Variants in DNAI7 observed in about 807,000 individuals in gnomAD.
The protein encoded by DNAI7 is dynein axonemal intermediate chain 7.
A neutral mutation model predicts 86.6 loss-of-function variants in DNAI7; 78 were observed. The ratio of observed to expected loss-of-function variants is 0.90; its 90% CI spans 0.75 to 1.09. The LOEUF is 1.09. Among genes scored for constraint, DNAI7 ranks in the 50% least tolerant of loss-of-function variants. The pLI is 0.00. For missense variants in DNAI7, 753 were observed against 810.2 expected, an observed-to-expected ratio of 0.93 and a Z score of 0.86; for synonymous variants, 274 against 273.0, an observed-to-expected ratio of 1.00 and a Z score of -0.04.
chr12:25,174,692 A>G (rs1948751339), intron 2 of DNAI7, among the ~76,000 whole-genome samples: 1 of 127,944 alleles, frequency 7.8e-6, no homozygotes, highest in Admixed American at 8.8e-5. Context: ...ATATATATGG[A>G]ATATAGATAT....
chr12:25,158,374 A>T, intron 4 of DNAI7, 98 bp downstream of exon 4: 1 of 904,210 alleles, frequency 1.1e-6, no homozygotes, highest in Non-Finnish European at 1.7e-6. Context: ...AGGCCTAAAT[A>T]TTACTGGTAG....
At chr12:25,161,691 A>G (rs1051136191) in intron 2 of DNAI7, among the ~76,000 whole-genome samples, 19 of 152,232 alleles carry the variant, frequency 1.2e-4, no homozygotes, top group African/African-American at 4.3e-4. Flanking sequence ...TGGTATTTAA[A>G]TCTGTGCTCA....
At chr12:25,179,414 T>C (rs1949288142) in intron 2 of DNAI7, among the ~76,000 whole-genome samples, 1 of 152,210 alleles carries the variant, frequency 6.6e-6, no homozygotes, top group South Asian at 2.1e-4. Flanking sequence ...AAATCCTTAC[T>C]GATTTTTTAA....
chr12:25,170,049 A>G (rs1947963387), intron 2 of DNAI7, among the ~76,000 whole-genome samples: 1 of 152,124 alleles, frequency 6.6e-6, no homozygotes, highest in Non-Finnish European at 1.5e-5. Flanking sequence ...TAAACTTTAA[A>G]GCAACAGTGG....
intron 9 of DNAI7, among the ~76,000 whole-genome samples, chr12:25,135,349 CT>C (rs1943418337): frequency 6.6e-6 from 1 of 152,142 alleles, no homozygotes; most frequent in Non-Finnish European, 1.5e-5. Flanking sequence ...CCATTTCTGA[CT>C]TTTATCTCAC....
At chr12:25,109,867 G>C (rs1373097493) in intron 15 of DNAI7, among the ~76,000 whole-genome samples, 1 of 151,738 alleles carries the variant, frequency 6.6e-6, no homozygotes, top group Admixed American at 6.6e-5. Context: ...TGGTAGAAAC[G>C]GGGTTTCACC....
At chr12:25,161,565 T>C (rs991167292) in intron 2 of DNAI7, among the ~76,000 whole-genome samples, 4 of 152,204 alleles carry the variant, frequency 2.6e-5, no homozygotes, top group African/African-American at 9.7e-5. Context: ...ACTACACTTA[T>C]AAAATTGAAA....
intron 14 of DNAI7, among the ~76,000 whole-genome samples, chr12:25,110,584 C>T (rs972554382): frequency 6.6e-6 from 1 of 152,184 alleles, no homozygotes. Flanking sequence ...GCCACTCCCT[C>T]GGGGCTCTTG....
At position 25,144,413 on chromosome 12, in the gene DNAI7, C is replaced by A; in HGVS notation, c.954G>T (p.Glu318Asp). Reference protein sequence around the residue: ...QQERGSHLIQEEEIKVEEEQG... With the variant: ...QQERGSHLIQDEEIKVEEEQG... ...GTTCCTCCTCAACTTTTATTTCTTC[C>A]TCCTGAATTAAGTGAGACCCTCTTT... is the stretch of plus-strand genomic sequence containing the variant. The change falls in exon 9 of 16, where the codon GAG (glutamate) becomes GAT (aspartate). Residue 318 changes from glutamate to aspartate, a missense_variant. Transcript: ENST00000395987. 4 of 1,614,054 alleles carry A rather than the reference C, an allele frequency of 2.5e-6. No homozygotes were observed. Among genetic ancestry groups the A allele is most frequent in the Non-Finnish European group, 3.4e-6 (4 of 1,179,966 alleles).
intron 9 of DNAI7, among the ~76,000 whole-genome samples, chr12:25,125,316 C>A (rs756989731): frequency 6.6e-6 from 1 of 152,168 alleles, no homozygotes; most frequent in Non-Finnish European, 1.5e-5. Context: ...GCCATTCTGA[C>A]TGGTGTGAGA....
chr12:25,121,017 C>T (rs561012474), intron 11 of DNAI7, among the ~76,000 whole-genome samples: 1 of 152,286 alleles, frequency 6.6e-6, no homozygotes, highest in Non-Finnish European at 1.5e-5. Flanking sequence ...GCTGCTGGTT[C>T]AATGCTGTTG....
At chr12:25,114,086 C>G (rs931718866) in intron 13 of DNAI7, among the ~76,000 whole-genome samples, 3 of 151,962 alleles carry the variant, frequency 2.0e-5, no homozygotes, top group Non-Finnish European at 2.9e-5. Context: ...GCTGGGATTA[C>G]AGGTGTGTGC....
chr12:25,123,501 C>T (rs1941640817), intron 9 of DNAI7, among the ~76,000 whole-genome samples: 1 of 152,174 alleles, frequency 6.6e-6, no homozygotes, highest in Admixed American at 6.5e-5. Flanking sequence ...CAAGAGGTTA[C>T]CCTGCTCAGA....
chr12:25,174,606 T>TATATATATCATATATATGGG lies in DNAI7; in HGVS notation c.22-13429_22-13410dup, dbSNP rs1312242008. Reference sequence around the variant, plus strand: ...TCATATATATGGGATATATATATGATATATATATCATATATATGGGATATA... The same window carrying TATATATATCATATATATGGG: ...TCATATATATGGGATATATATATGATATATATATCATATATATGGGATATATATCATATATATGGGATATA... On this transcript the variant is annotated intron_variant, in intron 2 of 15. Transcript: ENST00000395987. Among the ~76,000 whole-genome samples, 21 of 123,380 alleles carry TATATATATCATATATATGGG rather than the reference T, an allele frequency of 1.7e-4. 2 individuals are homozygous for TATATATATCATATATATGGG. Among genetic ancestry groups the TATATATATCATATATATGGG allele is most frequent in the African/African-American group, 5.5e-4 (17 of 31,154 alleles). 80.9% of individuals were successfully genotyped at this position (123,380 alleles called of 152,430 possible).
intron 9 of DNAI7, among the ~76,000 whole-genome samples, chr12:25,135,530 A>G (rs956051592): frequency 1.3e-5 from 2 of 152,164 alleles, no homozygotes; most frequent in African/African-American, 2.4e-5. Flanking sequence ...ACAAGCACAG[A>G]AGCCACAGAG....
chr12:25,170,357 C>T (rs1948004443), intron 2 of DNAI7, among the ~76,000 whole-genome samples: 1 of 151,382 alleles, frequency 6.6e-6, no homozygotes. Flanking sequence ...CGCCACTGCA[C>T]TCCAGCTTGG....
chr12:25,162,718 G>C (rs895960228), intron 2 of DNAI7, among the ~76,000 whole-genome samples: 5 of 152,108 alleles, frequency 3.3e-5, no homozygotes, highest in African/African-American at 1.2e-4. Context: ...TCCCAGGTTA[G>C]ATTTCACAGT....
intron 9 of DNAI7, among the ~76,000 whole-genome samples, chr12:25,126,091 T>C (rs1488085702): frequency 6.6e-6 from 1 of 152,130 alleles, no homozygotes; most frequent in Non-Finnish European, 1.5e-5. Flanking sequence ...TAATTATTAA[T>C]AGATCCTCCC....
chr12:25,136,600 T>C (rs1025737485), intron 9 of DNAI7, among the ~76,000 whole-genome samples: 3 of 152,118 alleles, frequency 2.0e-5, no homozygotes, highest in African/African-American at 7.2e-5. Context: ...GAAGGCCGAT[T>C]ATTAGGCTAC....
Sources: gnomAD v4.1 joint callset for allele counts (sites outside exome capture counted in the v4.1 genomes callset) on GRCh38, gnomAD v4.1.1 for gene constraint, MANE v1.5 for transcripts, NCBI Gene and HGNC (gene_info 2026-07-23, HGNC 2026-07-21) for gene names.